The following APP variants were observed in gnomAD, a reference collection of about 807,000 sequenced individuals.
The protein encoded by APP is amyloid beta precursor protein, also known as amyloid-beta precursor protein.
Under a neutral mutation model 101.4 loss-of-function variants are expected in APP, and 31 were observed. That is an observed-to-expected ratio of 0.31 (90% CI 0.23 to 0.41). The LOEUF (loss-of-function observed/expected upper bound fraction) is 0.41. Among genes scored for constraint, APP ranks in the 10% least tolerant of loss-of-function variants. The probability of loss-of-function intolerance (pLI) is 1.00; values close to 1 mark genes in which losing one functional copy is unlikely to be tolerated. For missense variants in APP, 839 were observed against 1,003.7 expected (o/e 0.84, Z 2.22); for synonymous variants, 366 against 364.4 (o/e 1.00, Z -0.05).
At chr21:25,900,075 C>A (rs915254293) in intron 15 of APP, among the ~76,000 whole-genome samples, 6 of 152,090 alleles carry the variant, frequency 3.9e-5, no homozygotes, top group Admixed American at 6.5e-5. Flanking sequence ...TCAACTCATT[C>A]TGCTGAAACG....
chr21:25,888,566 G>C (rs1242629453), intron 17 of APP, among the ~76,000 whole-genome samples: 1 of 152,172 alleles, frequency 6.6e-6, no homozygotes, highest in Non-Finnish European at 1.5e-5. Flanking sequence ...AAACACGAAT[G>C]AGGTGGAGCC....
intron 5 of APP, among the ~76,000 whole-genome samples, chr21:26,040,761 A>AAAACAAAC (rs74534911): frequency 0.032 from 4,851 of 150,020 alleles, 103 homozygotes; most frequent in Non-Finnish European, 0.042. Context: ...ACTCTATCTC[A>AAAACAAAC]AAACAAACAA....
chr21:25,932,957 GT>G (rs1422728516), intron 13 of APP, among the ~76,000 whole-genome samples: 1 of 151,938 alleles, frequency 6.6e-6, no homozygotes, highest in East Asian at 1.9e-4. Context: ...CTCCAACATC[GT>G]TTTTTACATT....
intron 1 of APP, among the ~76,000 whole-genome samples, chr21:26,168,941 T>A (rs2063676700): frequency 6.6e-6 from 1 of 152,140 alleles, no homozygotes; most frequent in African/African-American, 2.4e-5. Context: ...CTCAGTGGAA[T>A]TACAGGAAAA....
intron 17 of APP, among the ~76,000 whole-genome samples, chr21:25,889,091 G>A (rs1032623239): frequency 6.6e-6 from 1 of 152,202 alleles, no homozygotes; most frequent in African/African-American, 2.4e-5. Context: ...CATCACTGGG[G>A]TCTGTTACGG....
chr21:26,004,726 A>C (rs1349702007), intron 6 of APP, among the ~76,000 whole-genome samples: 1 of 152,156 alleles, frequency 6.6e-6, no homozygotes, highest in Non-Finnish European at 1.5e-5. Context: ...ATAGGTATAC[A>C]TGTGCCATGT....
intron 16 of APP, among the ~76,000 whole-genome samples, chr21:25,897,319 T>C (rs147602339): frequency 5.8e-4 from 89 of 152,306 alleles, no homozygotes; most frequent in African/African-American, 2.0e-3. Flanking sequence ...TTTCACCATA[T>C]TGGCCAGGCT....
chr21:26,110,922 ACTAT>A (rs1311744013), intron 2 of APP, among the ~76,000 whole-genome samples: 1 of 152,082 alleles, frequency 6.6e-6, no homozygotes, highest in Admixed American at 6.5e-5. Context: ...TGCAGAGATA[ACTAT>A]CTAAGAAGTG....
At chr21:26,013,131 A>G (rs1198351917) in intron 6 of APP, among the ~76,000 whole-genome samples, 1 of 152,204 alleles carries the variant, frequency 6.6e-6, no homozygotes, top group Non-Finnish European at 1.5e-5. Flanking sequence ...AGCCTGGCCA[A>G]CATGGTGAAA....
intron 4 of APP, among the ~76,000 whole-genome samples, chr21:26,052,620 C>G (rs1334142426): frequency 6.6e-6 from 1 of 152,086 alleles, no homozygotes; most frequent in East Asian, 1.9e-4. Flanking sequence ...TCAGACTCAC[C>G]CTGTGGAAAA....
At chr21:25,960,839 G>A (rs1471935116) in intron 11 of APP, among the ~76,000 whole-genome samples, 1 of 152,130 alleles carries the variant, frequency 6.6e-6, no homozygotes, top group Non-Finnish European at 1.5e-5. Flanking sequence ...GAATTTGCAG[G>A]GTTCTGCTTC....
intron 17 of APP, among the ~76,000 whole-genome samples, chr21:25,882,413 T>A (rs1314071278): frequency 6.7e-6 from 1 of 149,332 alleles, no homozygotes; most frequent in Non-Finnish European, 1.5e-5. Context: ...CTAGATGATG[T>A]AATTTTTTAA....
intron 8 of APP, among the ~76,000 whole-genome samples, chr21:25,995,001 C>A (rs993198965): frequency 2.0e-5 from 3 of 152,194 alleles, no homozygotes; most frequent in African/African-American, 7.2e-5. Flanking sequence ...GCACTTCATC[C>A]TCCTAGAATG....
At chr21:25,989,941 T>C (rs1234950866) in intron 8 of APP, among the ~76,000 whole-genome samples, 2 of 142,732 alleles carry the variant, frequency 1.4e-5, no homozygotes, top group African/African-American at 5.5e-5. Context: ...AAAAAGTGTC[T>C]CTCCATTTTC....
rs201022619 is a variant in APP, at chr21:26,051,044, C to T, written c.618G>A (p.Ser206=). ...TGTCTGCTCCGCCCCACCAGACATC[C>T]GAGTCATCCTCCTCCGCATCAGCAG... ...VDSADAEEDD[S]DVWWGGADTD... The change falls in exon 5 of 18, where the codon TCG becomes TCA. Residue 206 remains serine (S), a synonymous_variant. Coordinates refer to ENST00000346798, the MANE Select transcript of APP (RefSeq NM_000484.4). The T allele has an allele frequency of 2.5e-5, 40 of 1,614,150 alleles. No homozygotes were observed. The East Asian group carries it at 5.6e-4, about 22-fold the overall frequency.
At chr21:26,166,729 G>A (rs965928305) in intron 1 of APP, among the ~76,000 whole-genome samples, 1 of 152,196 alleles carries the variant, frequency 6.6e-6, no homozygotes, top group Admixed American at 6.5e-5. Flanking sequence ...CGTTGCCACT[G>A]TTCATCTCAT....
chr21:25,976,169 T>A, intron 9 of APP, 141 bp from the exon 10 acceptor site: 1 of 658,170 alleles, frequency 1.5e-6, no homozygotes. Flanking sequence ...CCTTCCTATC[T>A]GAAGAATATT....
intron 3 of APP, chr21:26,068,014 A>G (rs1047867113): frequency 3.3e-5 from 5 of 152,184 alleles, no homozygotes; most frequent in African/African-American, 1.2e-4. Flanking sequence ...ATAATTGCCG[A>G]CAAAATACCA....
chr21:25,900,378 C>CAAAAAAAAA (rs60231150), intron 15 of APP, among the ~76,000 whole-genome samples: 18 of 59,450 alleles, frequency 3.0e-4, no homozygotes, highest in East Asian at 2.0e-3. Context: ...ACTAAAAATA[C>CAAAAAAAAA]AAAAAAAAAA....
Sources: allele counts gnomAD v4.1 joint callset (sites outside exome capture counted in the v4.1 genomes callset), GRCh38; gene constraint gnomAD v4.1.1; transcripts MANE v1.5; gene names NCBI Gene and HGNC (gene_info 2026-07-23, HGNC 2026-07-21).